Variants in PDE7B observed in about 807,000 individuals in gnomAD.
PDE7B encodes phosphodiesterase 7B.
A neutral mutation model predicts 56.2 loss-of-function variants in PDE7B; 29 were observed. That is an observed-to-expected ratio of 0.52 (90% confidence interval 0.38 to 0.70). The LOEUF (loss-of-function observed/expected upper bound fraction) is 0.70, where lower values mean the gene tolerates loss of function less well. Ranked by LOEUF, PDE7B falls within the 30% of genes least tolerant of loss-of-function variation. The pLI, the probability that PDE7B is intolerant of heterozygous loss-of-function variation, is 0.00. For missense variants in PDE7B, 490 were observed against 565.0 expected, an observed-to-expected ratio of 0.87 and a Z score of 1.35; for synonymous variants, 197 against 196.9, an observed-to-expected ratio of 1.00 and a Z score of 0.00.
chr6:136,122,808 G>A (rs1777959152), intron 3 of PDE7B, among the ~76,000 whole-genome samples: 1 of 152,150 alleles, frequency 6.6e-6, no homozygotes, highest in Admixed American at 6.5e-5. Context: ...GTAGCTGTAT[G>A]GGAGCATAGT....
chr6:135,989,765 G>T (rs949287506), intron 2 of PDE7B, among the ~76,000 whole-genome samples: 1 of 152,014 alleles, frequency 6.6e-6, no homozygotes, highest in African/African-American at 2.4e-5. Context: ...GGTTTATGTT[G>T]GTTTTTCAGG....
chr6:135,893,365 A>T (rs903598031), intron 1 of PDE7B, among the ~76,000 whole-genome samples: 2 of 151,966 alleles, frequency 1.3e-5, no homozygotes, highest in Non-Finnish European at 2.9e-5. Flanking sequence ...GATGGTTTCC[A>T]GCTTCATCCA....
chr6:135,947,287 C>A (rs1237003993), intron 1 of PDE7B, among the ~76,000 whole-genome samples, 177 bp from the exon 2 acceptor site: 1 of 152,046 alleles, frequency 6.6e-6, no homozygotes, highest in East Asian at 1.9e-4. Context: ...TCCAACTTAT[C>A]CCTCAAATAT....
chr6:135,985,488 A>G (rs191667469), intron 2 of PDE7B, among the ~76,000 whole-genome samples: 1 of 152,346 alleles, frequency 6.6e-6, no homozygotes, highest in Non-Finnish European at 1.5e-5. Context: ...GAGCAAAAAG[A>G]TAAGTCCAAG....
intron 1 of PDE7B, among the ~76,000 whole-genome samples, chr6:135,933,885 A>G (rs1233959759): frequency 6.6e-6 from 1 of 152,102 alleles, no homozygotes; most frequent in Non-Finnish European, 1.5e-5. Flanking sequence ...CTCCCTTTAT[A>G]TTTTATAAAT....
At chr6:135,897,806 G>T (rs777499024) in intron 1 of PDE7B, among the ~76,000 whole-genome samples, 1 of 152,164 alleles carries the variant, frequency 6.6e-6, no homozygotes, top group Non-Finnish European at 1.5e-5. Context: ...GTTTAAACAT[G>T]TAAGGGCTCA....
At chr6:135,878,246 A>G (rs1775537441) in intron 1 of PDE7B, among the ~76,000 whole-genome samples, 1 of 152,138 alleles carries the variant, frequency 6.6e-6, no homozygotes, top group Non-Finnish European at 1.5e-5. Flanking sequence ...TTAATAAATC[A>G]TTTACATTTT....
chr6:136,147,413 A>AGATACTT lies in PDE7B; in HGVS notation c.230_236dup (p.Phe79LeufsTer23). The AGATACTT allele has an allele frequency of 1.2e-6, 2 of 1,613,066 alleles. No individual in the cohort carries two copies. The highest frequency in any genetic ancestry group is 1.7e-6 in the Non-Finnish European group (2 of 1,179,056). ...GGTGAAAAGACTATTAAGCTTTCAA[A>AGATACTT]GATACTTCCATGCATCAAGGCTGCT... On this transcript the variant is annotated frameshift_variant, in exon 4 of 13. Transcript: ENST00000308191. LOFTEE classifies it high-confidence loss of function.
chr6:136,038,234 A>G, intron 2 of PDE7B: 1 of 1,300,548 alleles, frequency 7.7e-7, no homozygotes, highest in Non-Finnish European at 1.0e-6. Flanking sequence ...CAGCAACAGC[A>G]GCAGCAGCAG....
At chr6:136,085,068 C>A (rs1479102073) in intron 2 of PDE7B, among the ~76,000 whole-genome samples, 1 of 152,198 alleles carries the variant, frequency 6.6e-6, no homozygotes, top group African/African-American at 2.4e-5. Context: ...ATGGAGCAGG[C>A]ACACTCTGGG....
intron 2 of PDE7B, among the ~76,000 whole-genome samples, chr6:136,001,688 T>C (rs1358615289): frequency 6.6e-6 from 1 of 152,024 alleles, no homozygotes; most frequent in Non-Finnish European, 1.5e-5. Context: ...CTCCAAGAAA[T>C]ATGGGACTAT....
chr6:136,173,934 A>G (rs775722163), intron 9 of PDE7B, 46 bp downstream of exon 9: 8 of 1,360,084 alleles, frequency 5.9e-6, no homozygotes, highest in Non-Finnish European at 7.4e-6. Context: ...TGCAGTAAAG[A>G]TAAGCCACTT....
At chr6:136,128,918 C>A (rs1232586246) in intron 3 of PDE7B, among the ~76,000 whole-genome samples, 1 of 152,152 alleles carries the variant, frequency 6.6e-6, no homozygotes, top group Admixed American at 6.5e-5. Flanking sequence ...CCATGACTTC[C>A]CTTCTGAGAT....
At chr6:135,965,763 T>G (rs950774361) in intron 2 of PDE7B, among the ~76,000 whole-genome samples, 17 of 152,022 alleles carry the variant, frequency 1.1e-4, no homozygotes, top group Non-Finnish European at 2.1e-4. Context: ...AAAATGAGAT[T>G]TGAGTGAAGA....
chr6:136,099,439 T>C (rs985406880), intron 2 of PDE7B, among the ~76,000 whole-genome samples: 1 of 152,230 alleles, frequency 6.6e-6, no homozygotes, highest in Non-Finnish European at 1.5e-5. Context: ...CAGCATCTGT[T>C]GTTTCCTGAC....
At chr6:136,155,310 T>C (rs895937813) in intron 7 of PDE7B, among the ~76,000 whole-genome samples, 2 of 152,236 alleles carry the variant, frequency 1.3e-5, no homozygotes, top group African/African-American at 4.8e-5. Context: ...CCCTGTCTTC[T>C]ACCTATCCAC....
At chr6:135,978,788 G>A (rs1364193538) in intron 2 of PDE7B, among the ~76,000 whole-genome samples, 3 of 152,030 alleles carry the variant, frequency 2.0e-5, no homozygotes, top group Non-Finnish European at 2.9e-5. Context: ...CTGAGACAAT[G>A]GGGTTTTCTA....
chr6:136,004,688 T>C (rs1384114114), intron 2 of PDE7B, among the ~76,000 whole-genome samples: 1 of 151,988 alleles, frequency 6.6e-6, no homozygotes. Context: ...AAACCACTGC[T>C]CAAGGAAATA....
chr6:136,041,849 A>AG (rs1208885217), intron 2 of PDE7B, among the ~76,000 whole-genome samples: 3 of 152,218 alleles, frequency 2.0e-5, no homozygotes, highest in African/African-American at 7.2e-5. Flanking sequence ...AGACTCAATA[A>AG]GGCATCCGGG....
Sources: gnomAD v4.1 joint callset for allele counts (sites outside exome capture counted in the v4.1 genomes callset) on GRCh38, gnomAD v4.1.1 for gene constraint, MANE v1.5 for transcripts, NCBI Gene and HGNC (gene_info 2026-07-23, HGNC 2026-07-21) for gene names.